ZNF256: variants seen among roughly 807,000 people sequenced by gnomAD.
The protein encoded by ZNF256 is zinc finger protein 256, also known as bone marrow zinc finger 3.
A neutral mutation model predicts 7.9 loss-of-function variants in ZNF256; 4 were observed. The observed-to-expected ratio is 0.50, with a 90% CI of 0.25 to 1.15. The LOEUF (loss-of-function observed/expected upper bound fraction) is 1.15. ZNF256 is among the 50% of genes most tolerant of loss of function. The pLI is 0.15. For missense variants in ZNF256, 666 were observed against 755.9 expected (o/e 0.88, Z 1.39); for synonymous variants, 260 against 260.4 (o/e 1.00, Z 0.02).
rs762734749 is a variant in ZNF256, at chr19:57,942,502, A to G, written c.306T>C (p.Ile102=). 2.5e-6 allele frequency: 4 copies of G among 1,614,104 alleles called. No homozygotes were observed. The South Asian group carries it at 3.3e-5, about 13-fold the overall frequency. ...CEICGPVLRQ[I]LHLVEHQGTH... ...TTCCTTGGTGTTCAACCAAGTGCAA[A>G]ATCTGTCTCAAGACTGGGCCACATA... The change falls in exon 3 of 3, where the codon ATT becomes ATC. Residue 102 remains isoleucine (I), a synonymous_variant. Transcript: ENST00000282308.
rs138578998 is a variant in ZNF256 at position 57,941,025 on chromosome 19, G to A, written c.1783C>T (p.Arg595Ter). The change falls in exon 3 of 3, where the codon CGA becomes TGA. Residue 595 changes from arginine to a stop codon, truncating the protein, a stop_gained. Coordinates refer to ENST00000282308, the MANE Select transcript of ZNF256 (RefSeq NM_005773.3). LOFTEE classifies it low-confidence loss of function (END_TRUNC). ...SQSSNLTNHQ[R>*]IHSGERPYEC... The stretch of plus-strand genomic sequence containing the variant: ...TAAGGCCTTTCCCCACTGTGAATTC[G>A]CTGGTGATTAGTGAGGTTAGAGCTC... The A allele has an allele frequency of 4.2e-5, 67 of 1,613,626 alleles. 1 individual carries two copies. In the East Asian group the frequency reaches 6.7e-4, roughly 16 times the overall value.
chr19:57,947,179 G>A (rs1396521600), intron 1 of ZNF256, among the ~76,000 whole-genome samples: 2 of 152,234 alleles, frequency 1.3e-5, no homozygotes, highest in Admixed American at 6.5e-5. Flanking sequence ...AAGCCACCCC[G>A]TAGCCCCATG....
rs2072737185 is a variant in ZNF256, at chr19:57,942,452, G to A, written c.356C>T (p.Thr119Ile). Residue 119 changes from threonine (T) to isoleucine (I), a missense_variant, in exon 3 of 3, where the codon ACA becomes ATA. By Grantham distance (89) the Thr-to-Ile change is moderately conservative (BLOSUM62 -1). Coordinates refer to ENST00000282308, the MANE Select transcript of ZNF256 (RefSeq NM_005773.3). ...TAATTGTTTCCTACATGCCCCGTCTGTATACAGTTTCTGACCATGGTGTGT... is the reference window on the plus strand; with the variant it reads ...TAATTGTTTCCTACATGCCCCGTCTATATACAGTTTCTGACCATGGTGTGT... ...QGTHHGQKLY[T>I]DGACRKQLQF... 2 of 1,614,224 alleles carry A rather than the reference G, an allele frequency of 1.2e-6. No homozygotes were observed. The highest frequency in any genetic ancestry group is 2.2e-5 in the South Asian group (2 of 91,086).
In ZNF256 at chr19:57,941,028, G is replaced by C; in HGVS notation, c.1780C>G (p.Gln594Glu). 1 of 1,614,130 alleles carries C rather than the reference G, an allele frequency of 6.2e-7. No individual in the cohort carries two copies. Among genetic ancestry groups the C allele is most frequent in the Non-Finnish European group, 8.5e-7 (1 of 1,180,036 alleles). The change falls in exon 3 of 3, where the codon CAG becomes GAG. Residue 594 changes from glutamine (Q) to glutamate (E), a missense_variant. By Grantham distance (29) the Gln-to-Glu change is conservative. Coordinates refer to ENST00000282308, the MANE Select transcript of ZNF256 (RefSeq NM_005773.3). The part of the protein sequence containing the change: ...FSQSSNLTNH[Q>E]RIHSGERPYE... ...GGCCTTTCCCCACTGTGAATTCGCT[G>C]GTGATTAGTGAGGTTAGAGCTCTGG...
Position 57,941,243 on chromosome 19 carries a change from T to C in ZNF256, c.1565A>G (p.Asn522Ser), listed in dbSNP as rs758292773. The change falls in exon 3 of 3, where the codon AAT becomes AGT. Residue 522 changes from asparagine (N) to serine (S), a missense_variant. Asn to Ser is a conservative substitution (Grantham distance 46). Transcript: ENST00000282308. The part of the protein sequence containing the change: ...VHTGERPYEC[N>S]ECGKFFSQSS... ...CTGGCTAAAAAACTTCCCACATTCA[T>C]TGCACTCATAAGGCCTTTCTCCAGT... 218 of 1,613,000 alleles carry C rather than the reference T, an allele frequency of 1.4e-4. No individual in the cohort carries two copies. Among genetic ancestry groups the C allele is most frequent in the Non-Finnish European group, 1.7e-4 (204 of 1,179,548 alleles).
chr19:57,944,682 G>C (rs2072754236), intron 1 of ZNF256, among the ~76,000 whole-genome samples: 1 of 152,252 alleles, frequency 6.6e-6, no homozygotes, highest in African/African-American at 2.4e-5. Flanking sequence ...AGATCAGCCA[G>C]GCGTGGTGGC....
Position 57,941,664 on chromosome 19 carries a change from T to C in ZNF256, c.1144A>G (p.Ser382Gly). 6 of 1,614,170 alleles carry C rather than the reference T, an allele frequency of 3.7e-6. No individual in the cohort carries two copies. The highest frequency in any genetic ancestry group is 5.1e-6 in the Non-Finnish European group (6 of 1,180,016). ...VHTGTRPYMCSECGKSFSQSC... is the reference protein window; with the variant it reads ...VHTGTRPYMCGECGKSFSQSC... Reference sequence around the variant, plus strand: ...TGGCTAAAGGATTTCCCACATTCACTGCACATATAAGGCCTTGTACCAGTG... The same window carrying C: ...TGGCTAAAGGATTTCCCACATTCACCGCACATATAAGGCCTTGTACCAGTG... Residue 382 changes from serine to glycine, a missense_variant, in exon 3 of 3, where the codon AGT becomes GGT. By Grantham distance (56) the Ser-to-Gly change is moderately conservative (BLOSUM62 0). Transcript: ENST00000282308.
rs181849933 is a variant in ZNF256 at position 57,946,679 on chromosome 19, G to T, written c.33+763C>A. On this transcript the variant is annotated intron_variant, in intron 1 of 2. Transcript: ENST00000282308. ...CACAGATGAAGCCTGTGAAGACCTT[G>T]GTAAATTACCTCTTTTTTCTGATTC... Among the ~76,000 whole-genome samples, 28 of 152,106 alleles carry T rather than the reference G, an allele frequency of 1.8e-4. 1 individual carries two copies. The highest frequency in any genetic ancestry group is 9.2e-4 in the Admixed American group (14 of 15,266).
chr19:57,942,776 G>A (rs937780701), intron 2 of ZNF256, 129 bp from the exon 3 acceptor site: 109 of 1,107,714 alleles, frequency 9.8e-5, no homozygotes, highest in Non-Finnish European at 1.3e-4. Context: ...CAAGGTGTTG[G>A]GTTCAAGTTG....
In ZNF256 at chr19:57,942,599, G is replaced by A; in HGVS notation, c.209C>T (p.Ser70Phe). ...DEEAPYQQST[S>F]PQRVSQVRIP... ...CCTAACCTGTGACACCCGCTGTGGA[G>A]AAGTGCTCTGCTGATAAGGTGCCTC... The change falls in exon 3 of 3, where the codon TCT (serine) becomes TTT (phenylalanine). Residue 70 changes from serine (S) to phenylalanine (F), a missense_variant. Coordinates refer to ENST00000282308, the MANE Select transcript of ZNF256 (RefSeq NM_005773.3). 1 of 1,614,038 alleles carries A rather than the reference G, an allele frequency of 6.2e-7. No individual in the cohort carries two copies. Among genetic ancestry groups the A allele is most frequent in the East Asian group, 2.2e-5 (1 of 44,892 alleles).
chr19:57,947,338 C>G (rs2072774037), intron 1 of ZNF256, 104 bp downstream of exon 1: 1 of 1,130,056 alleles, frequency 8.8e-7, no homozygotes, highest in East Asian at 3.2e-5. Flanking sequence ...CTCCGGCGAG[C>G]CCCCGTGTCC....
At position 57,941,616 on chromosome 19, in the gene ZNF256, G is replaced by A. The variant is rs754518273; in HGVS notation, c.1192C>T (p.Arg398Trp). The change falls in exon 3 of 3, where the codon CGG becomes TGG. Residue 398 changes from arginine (R) to tryptophan (W), a missense_variant. Coordinates refer to ENST00000282308, the MANE Select transcript of ZNF256 (RefSeq NM_005773.3). ...GGCCCTTCTCCAATGTGAAGTCTCC[G>A]GTGTTTAATGAGGTGACAGCTCTGG... ...FSQSCHLIKH[R>W]RLHIGEGPYE... is the part of the protein sequence containing the mutation. 9.3e-6 allele frequency: 15 copies of A among 1,613,570 alleles called. No individual in the cohort carries two copies. The highest frequency in any genetic ancestry group is 3.3e-5 in the Admixed American group (2 of 59,974).
chr19:57,941,692 A>G lies in ZNF256; in HGVS notation c.1116T>C (p.Val372=). The change falls in exon 3 of 3, where the codon GTT becomes GTC. Residue 372 remains valine, a synonymous_variant. Coordinates refer to ENST00000282308, the MANE Select transcript of ZNF256 (RefSeq NM_005773.3). ...HSSSLITHQR[V]HTGTRPYMCS... is the part of the protein sequence containing the mutation. ...ACATATAAGGCCTTGTACCAGTGTG[A>G]ACTCTCTGGTGTGTAATAAGGCTAG... 2 of 1,614,012 alleles carry G rather than the reference A, an allele frequency of 1.2e-6. No individual in the cohort carries two copies. Among genetic ancestry groups the G allele is most frequent in the African/African-American group, 1.3e-5 (1 of 74,976 alleles).
Position 57,941,025 on chromosome 19 carries a change from G to T in ZNF256, c.1783C>A (p.Arg595=). 6.2e-7 allele frequency: 1 copy of T among 1,613,624 alleles called. No homozygotes were observed. The change falls in exon 3 of 3, where the codon CGA becomes AGA. Residue 595 remains arginine, a synonymous_variant. Coordinates refer to ENST00000282308, the MANE Select transcript of ZNF256 (RefSeq NM_005773.3). ...SQSSNLTNHQ[R]IHSGERPYEC... is the part of the protein sequence containing the mutation. ...TAAGGCCTTTCCCCACTGTGAATTC[G>T]CTGGTGATTAGTGAGGTTAGAGCTC...
intron 2 of ZNF256, among the ~76,000 whole-genome samples, chr19:57,943,523 A>G (rs2072744731): frequency 6.6e-6 from 1 of 152,138 alleles, no homozygotes. Flanking sequence ...TCAGAGGAGG[A>G]TTTTGCAAGA....
At chr19:57,945,007 T>C (rs1277906210) in intron 1 of ZNF256, among the ~76,000 whole-genome samples, 1 of 151,630 alleles carries the variant, frequency 6.6e-6, no homozygotes, top group African/African-American at 2.4e-5. Context: ...GCCATTCTCC[T>C]ACCTTAGCCT....
At chr19:57,943,175 A>G (rs1191765949) in intron 2 of ZNF256, among the ~76,000 whole-genome samples, 1 of 152,222 alleles carries the variant, frequency 6.6e-6, no homozygotes, top group Admixed American at 6.5e-5. Flanking sequence ...CTGACAAGCA[A>G]GCTAAGTATC....
Position 57,942,319 on chromosome 19 carries a change from T to C in ZNF256, c.489A>G (p.Val163=), listed in dbSNP as rs775840865. The change falls in exon 3 of 3, where the codon GTA becomes GTG. Residue 163 remains valine, a synonymous_variant. Transcript: ENST00000282308. ...DMFLSSCTFE[V]SGKPFTCKEV... is the part of the protein sequence containing the mutation. Reference sequence around the variant, plus strand: ...CCTTGCAAGTGAAGGGCTTCCCAGATACTTCAAATGTGCAGCTGCTCAAAA... The same window carrying C: ...CCTTGCAAGTGAAGGGCTTCCCAGACACTTCAAATGTGCAGCTGCTCAAAA... 9 of 1,614,140 alleles carry C rather than the reference T, an allele frequency of 5.6e-6. No individual in the cohort carries two copies. In the African/African-American group the frequency reaches 8.0e-5, roughly 14 times the overall value.
intron 1 of ZNF256, among the ~76,000 whole-genome samples, chr19:57,945,768 G>A (rs1250730464): frequency 1.3e-5 from 2 of 152,170 alleles, no homozygotes; most frequent in Non-Finnish European, 2.9e-5. Context: ...AACCACAGGT[G>A]AATCACAGAT....
Sources: allele counts gnomAD v4.1 joint callset (sites outside exome capture counted in the v4.1 genomes callset), GRCh38; gene constraint gnomAD v4.1.1; transcripts MANE v1.5; gene names NCBI Gene and HGNC (gene_info 2026-07-23, HGNC 2026-07-21).